FBXL13: variants seen among roughly 807,000 people sequenced by gnomAD.
FBXL13 encodes the protein F-box and leucine rich repeat protein 13.
Under a neutral mutation model 83.6 loss-of-function variants are expected in FBXL13, and 67 were observed. The observed-to-expected ratio is 0.80, with a 90% CI of 0.66 to 0.98. The LOEUF is 0.98. Among genes scored for constraint, FBXL13 ranks in the 50% least tolerant of loss-of-function variants. The probability of loss-of-function intolerance (pLI) is 0.00; values close to 1 mark genes in which losing one functional copy is unlikely to be tolerated. For synonymous variants in FBXL13, 272 were observed against 299.5 expected, an observed-to-expected ratio of 0.91 and a Z score of 0.95; for missense variants, 822 against 866.5, an observed-to-expected ratio of 0.95 and a Z score of 0.64.
At chr7:103,006,334 A>G (rs1158948796) in intron 6 of FBXL13, among the ~76,000 whole-genome samples, 3 of 152,250 alleles carry the variant, frequency 2.0e-5, no homozygotes, top group Admixed American at 1.3e-4. Flanking sequence ...GTGAGACACC[A>G]TGAAGCTGAA....
At chr7:103,024,833 GTATATATATA>G (rs1232363692) in intron 6 of FBXL13, among the ~76,000 whole-genome samples, 12 of 95,966 alleles carry the variant, frequency 1.3e-4, no homozygotes, top group Middle Eastern at 6.0e-3. Context: ...ATATATATGT[GTATATATATA>G]TATATATATA....
intron 8 of FBXL13, among the ~76,000 whole-genome samples, 194 bp from the exon 10 acceptor site, chr7:102,932,127 T>A (rs1819298581): frequency 6.6e-6 from 1 of 152,132 alleles, no homozygotes; most frequent in Non-Finnish European, 1.5e-5. Flanking sequence ...TACACAGACA[T>A]GTTTATTATT....
intron 8 of FBXL13, among the ~76,000 whole-genome samples, chr7:102,942,731 AT>A (rs1050566659): frequency 1.3e-5 from 2 of 152,086 alleles, no homozygotes; most frequent in Admixed American, 1.3e-4. Flanking sequence ...ATAGAAAGTT[AT>A]TTTTTTAAGG....
chr7:103,000,616 TA>T (rs1362061541), intron 6 of FBXL13, among the ~76,000 whole-genome samples: 1 of 152,232 alleles, frequency 6.6e-6, no homozygotes, highest in Non-Finnish European at 1.5e-5. Flanking sequence ...GTCTAGGGCA[TA>T]ATATCACTCC....
At chr7:103,017,363 C>T (rs551952953) in intron 6 of FBXL13, among the ~76,000 whole-genome samples, 36 of 152,016 alleles carry the variant, frequency 2.4e-4, no homozygotes, top group African/African-American at 7.7e-4. Context: ...GATAAAACCA[C>T]AAAGACGGGG....
chr7:102,866,020 T>C (rs1807597385), intron 16 of FBXL13, among the ~76,000 whole-genome samples: 1 of 152,208 alleles, frequency 6.6e-6, no homozygotes, highest in African/African-American at 2.4e-5. Flanking sequence ...TTTGTAATCA[T>C]ATTTCTTTTT....
At chr7:102,929,244 T>C (rs545327895) in intron 9 of FBXL13, among the ~76,000 whole-genome samples, 1 of 152,192 alleles carries the variant, frequency 6.6e-6, no homozygotes, top group Non-Finnish European at 1.5e-5. Flanking sequence ...GAAAAATTAC[T>C]AAAGGAGGAT....
intron 7 of FBXL13, among the ~76,000 whole-genome samples, chr7:102,966,290 T>C (rs1266861096): frequency 1.3e-5 from 2 of 152,234 alleles, no homozygotes; most frequent in Non-Finnish European, 2.9e-5. Context: ...TAAGAGTTTC[T>C]GACTCAGTAG....
At chr7:102,865,538 ATTGT>A (rs1807505870) in intron 16 of FBXL13, among the ~76,000 whole-genome samples, 2 of 148,564 alleles carry the variant, frequency 1.3e-5, no homozygotes, top group East Asian at 2.0e-4. Context: ...TTTTTGTTTG[ATTGT>A]TTGTTTTTGT....
intron 11 of FBXL13, among the ~76,000 whole-genome samples, chr7:102,912,093 C>T (rs1024625913): frequency 1.3e-5 from 2 of 152,206 alleles, no homozygotes; most frequent in African/African-American, 4.8e-5. Flanking sequence ...GCAACAGATG[C>T]TTAAAACTGT....
chr7:103,069,100 A>G (rs184207313), intron 1 of FBXL13, among the ~76,000 whole-genome samples: 1,674 of 143,186 alleles, frequency 0.012, 35 homozygotes, highest in African/African-American at 0.042. Flanking sequence ...AGTGAGGAGC[A>G]CCTCTGCCTG....
intron 6 of FBXL13, among the ~76,000 whole-genome samples, chr7:103,011,901 G>A (rs1020934261): frequency 3.3e-5 from 5 of 152,128 alleles, no homozygotes; most frequent in Non-Finnish European, 5.9e-5. Flanking sequence ...AAAAGAGAGG[G>A]AGAGAAACCA....
At chr7:103,007,876 C>G (rs1006635662) in intron 6 of FBXL13, among the ~76,000 whole-genome samples, 1 of 152,080 alleles carries the variant, frequency 6.6e-6, no homozygotes, top group Non-Finnish European at 1.5e-5. Flanking sequence ...GATATCCAAT[C>G]AGTGGGCCAT....
intron 11 of FBXL13, among the ~76,000 whole-genome samples, chr7:102,899,961 T>C (rs2190673): frequency 0.26 from 39,505 of 151,776 alleles, 6,254 homozygotes; most frequent in East Asian, 0.58. Context: ...GCAGGAGAAT[T>C]GCCTGAACCC....
At chr7:102,912,847 G>A (rs1300584609) in intron 11 of FBXL13, 10 of 431,970 alleles carry the variant, frequency 2.3e-5, no homozygotes, top group South Asian at 1.9e-4. Context: ...AAAGTGGTCC[G>A]TTTCCTCATC....
intron 16 of FBXL13, among the ~76,000 whole-genome samples, chr7:102,869,257 G>T (rs928832256): frequency 2.0e-5 from 3 of 152,156 alleles, no homozygotes; most frequent in Admixed American, 1.3e-4. Context: ...TCATGTACTT[G>T]TTGGCCGTAT....
At chr7:103,010,712 C>A (rs940813034) in intron 6 of FBXL13, among the ~76,000 whole-genome samples, 5 of 152,208 alleles carry the variant, frequency 3.3e-5, no homozygotes, top group Non-Finnish European at 5.9e-5. Flanking sequence ...TGGCTCCATG[C>A]TGAGCCCAGA....
intron 16 of FBXL13, among the ~76,000 whole-genome samples, chr7:102,873,732 A>G (rs1021602002): frequency 1.3e-5 from 2 of 152,126 alleles, no homozygotes; most frequent in African/African-American, 2.4e-5. Flanking sequence ...TACCTCTCAA[A>G]CATCATCTCT....
intron 1 of FBXL13, among the ~76,000 whole-genome samples, chr7:103,072,862 A>T (rs532648866): frequency 6.6e-6 from 1 of 152,360 alleles, no homozygotes; most frequent in South Asian, 2.1e-4. Context: ...GATACTCAGG[A>T]GCTTAGCTCC....
Sources: gnomAD v4.1 joint callset for allele counts (sites outside exome capture counted in the v4.1 genomes callset) on GRCh38, gnomAD v4.1.1 for gene constraint, MANE v1.5 for transcripts, NCBI Gene and HGNC (gene_info 2026-07-23, HGNC 2026-07-21) for gene names.